Variants in ZNF236 observed in about 807,000 individuals in gnomAD.
The protein encoded by ZNF236 is regulated by glucose.
Under a neutral mutation model 191.2 loss-of-function variants are expected in ZNF236, and 50 were observed. That is an observed-to-expected ratio of 0.26 (90% confidence interval 0.21 to 0.33). ZNF236 has a LOEUF of 0.33. Among genes scored for constraint, ZNF236 ranks in the 10% least tolerant of loss-of-function variants. ZNF236 has a pLI of 1.00. For missense variants in ZNF236, 1,754 were observed against 2,374.5 expected, an observed-to-expected ratio of 0.74 and a Z score of 5.43; for synonymous variants, 907 against 928.8, an observed-to-expected ratio of 0.98 and a Z score of 0.43.
chr18:76,898,046 G>A (rs887479318), intron 10 of ZNF236: 5 of 152,162 alleles, frequency 3.3e-5, no homozygotes, highest in South Asian at 2.1e-4. Context: ...ACTTCTGTCC[G>A]GATCAGATTT....
chr18:76,854,592 A>T (rs1156988710), intron 3 of ZNF236, among the ~76,000 whole-genome samples: 6 of 151,884 alleles, frequency 4.0e-5, no homozygotes, highest in Non-Finnish European at 8.8e-5. Context: ...TACAAAAAAA[A>T]AAAAGTCTTT....
chr18:76,829,281 C>T (rs1324063425), intron 1 of ZNF236, among the ~76,000 whole-genome samples: 1 of 151,256 alleles, frequency 6.6e-6, no homozygotes, highest in Non-Finnish European at 1.5e-5. Flanking sequence ...AGGCCTGGAG[C>T]GTGGCTCTCA....
chr18:76,972,646 A>G lies in ZNF236; in HGVS notation c.*4307A>G, dbSNP rs1359918937. ...TACAGCATGAAGACGTATTCTATCA[A>G]TATTTGTATCATAATTGACAAATTC... On this transcript the variant is annotated 3_prime_UTR_variant, in exon 31 of 31. Transcript: ENST00000320610. 6.6e-6 allele frequency among the ~76,000 whole-genome samples: 1 copy of G among 152,210 alleles called. No individual in the cohort carries two copies. The highest frequency in any genetic ancestry group is 1.5e-5 in the Non-Finnish European group (1 of 68,040).
chr18:76,962,649 G>T (rs990881520), intron 30 of ZNF236, among the ~76,000 whole-genome samples: 2 of 152,182 alleles, frequency 1.3e-5, no homozygotes, highest in Non-Finnish European at 2.9e-5. Context: ...GCTTTTGGCA[G>T]TATGGCCATT....
Position 76,969,215 on chromosome 18 carries a change from A to G in ZNF236, c.*876A>G, listed in dbSNP as rs1968859588. ...GTAGCTTAAGGCCACGAATCCGTAA[A>G]AACCCCATGACTTTCTCTTCGTGCA... On this transcript the variant is annotated 3_prime_UTR_variant, in exon 31 of 31. Transcript: ENST00000320610. The G allele has an allele frequency of 6.5e-6, 1 of 153,364 alleles. No individual in the cohort carries two copies. The highest frequency in any genetic ancestry group is 1.5e-5 in the Non-Finnish European group (1 of 68,726). The allele number at this position is 153,364 out of a possible 1,614,324, so 9.5% of individuals were successfully genotyped here.
At chr18:76,934,184 A>G (rs1290278035) in intron 25 of ZNF236, among the ~76,000 whole-genome samples, 2 of 152,210 alleles carry the variant, frequency 1.3e-5, no homozygotes. Flanking sequence ...GAAGTGTATC[A>G]CCACTTAGGG....
chr18:76,935,192 A>G (rs1967959673), intron 25 of ZNF236, among the ~76,000 whole-genome samples: 1 of 152,208 alleles, frequency 6.6e-6, no homozygotes, highest in South Asian at 2.1e-4. Context: ...GCTTAAGAAA[A>G]TTTCAGCTTT....
chr18:76,970,841 C>CT lies in ZNF236; in HGVS notation c.*2503dup, dbSNP rs1968898208. The CT allele has an allele frequency of 6.6e-6, 1 of 152,250 alleles. No homozygotes were observed. Among genetic ancestry groups the CT allele is most frequent in the Admixed American group, 6.5e-5 (1 of 15,290 alleles). The allele number at this position is 152,250 out of a possible 1,614,324, so 9.4% of individuals were successfully genotyped here. A position where few individuals can be genotyped will look rare whatever the true frequency, so the allele number is the denominator to read the frequency against. On this transcript the variant is annotated 3_prime_UTR_variant, in exon 31 of 31. Coordinates refer to ENST00000320610, the MANE Select transcript of ZNF236 (RefSeq NM_001306089.2). ...ACTTTAGTGGTATTTTCCTTTACCT[C>CT]TGTGAAGTTCAGAGGCGTTTACCCC...
At chr18:76,843,422 C>G (rs1424038818) in intron 1 of ZNF236, among the ~76,000 whole-genome samples, 1 of 152,138 alleles carries the variant, frequency 6.6e-6, no homozygotes, top group Non-Finnish European at 1.5e-5. Context: ...GTGTTAAAAC[C>G]TGAACGCTGA....
chr18:76,929,482 T>C (rs1967793127), intron 25 of ZNF236, among the ~76,000 whole-genome samples: 2 of 152,346 alleles, frequency 1.3e-5, no homozygotes, highest in South Asian at 4.1e-4. Flanking sequence ...CAAAACTACA[T>C]AGTGCATGGT....
intron 11 of ZNF236, among the ~76,000 whole-genome samples, chr18:76,904,090 A>G (rs1379853655): frequency 6.6e-6 from 1 of 151,506 alleles, no homozygotes; most frequent in Non-Finnish European, 1.5e-5. Flanking sequence ...TTGTGACTAG[A>G]TATTTCTCAT....
intron 1 of ZNF236, among the ~76,000 whole-genome samples, chr18:76,836,603 A>C (rs1451594088): frequency 6.8e-6 from 1 of 147,658 alleles, no homozygotes; most frequent in African/African-American, 2.5e-5. Context: ...TTTGAGACAG[A>C]GTTTTGCTCT....
chr18:76,906,965 A>G (rs1977759651), intron 13 of ZNF236, among the ~76,000 whole-genome samples: 1 of 152,228 alleles, frequency 6.6e-6, no homozygotes, highest in Non-Finnish European at 1.5e-5. Context: ...ATTTATTGGA[A>G]AAAACAAAGA....
In ZNF236 at chr18:76,927,476, C is replaced by T. The variant is rs1022007995; in HGVS notation, c.4373C>T (p.Pro1458Leu). 8 of 1,614,026 alleles carry T rather than the reference C, an allele frequency of 5.0e-6. No individual in the cohort carries two copies. The highest frequency in any genetic ancestry group is 2.2e-5 in the East Asian group (1 of 44,890). The change falls in exon 24 of 31, where the codon CCG becomes CTG. Residue 1458 changes from proline (P) to leucine (L), a missense_variant. Pro to Leu is a moderately conservative substitution (Grantham distance 98, BLOSUM62 -3). Coordinates refer to ENST00000320610, the MANE Select transcript of ZNF236 (RefSeq NM_001306089.2). This position sits in a 1 kb window ranked among gnomAD's most constrained non-coding sequence, Gnocchi z 5.4. ...TVTSANLTIG[P>L]LSEQDSVLTT... ...ACCTCTGCGAACCTGACCATAGGCC[C>T]GCTGTCTGAGCAGGATTCAGTGCTG... is the stretch of plus-strand genomic sequence containing the variant.
intron 3 of ZNF236, among the ~76,000 whole-genome samples, chr18:76,859,441 TAGTA>T (rs1355566537): frequency 2.0e-5 from 3 of 152,158 alleles, no homozygotes; most frequent in African/African-American, 7.2e-5. Flanking sequence ...CTGTATGATC[TAGTA>T]AGTATTTCTG....
intron 19 of ZNF236, among the ~76,000 whole-genome samples, chr18:76,917,357 C>A (rs1053574005): frequency 6.6e-6 from 1 of 152,180 alleles, no homozygotes; most frequent in Admixed American, 6.5e-5. Flanking sequence ...ATCTCTAAGC[C>A]GCTTTACATA....
intron 1 of ZNF236, chr18:76,849,131 CTT>C (rs1975784082): frequency 6.4e-6 from 1 of 156,714 alleles, no homozygotes; most frequent in Non-Finnish European, 1.4e-5. Context: ...TTGATGAAAT[CTT>C]AAAGTGATTT....
At chr18:76,828,198 G>A (rs1232615158) in intron 1 of ZNF236, among the ~76,000 whole-genome samples, 2 of 150,010 alleles carry the variant, frequency 1.3e-5, no homozygotes, top group African/African-American at 4.9e-5. Flanking sequence ...ACAAGGTCTC[G>A]TTCTCTCACC....
At chr18:76,833,293 AG>A (rs1226323723) in intron 1 of ZNF236, among the ~76,000 whole-genome samples, 3 of 152,144 alleles carry the variant, frequency 2.0e-5, no homozygotes, top group Non-Finnish European at 2.9e-5. Flanking sequence ...CAACTGCAGG[AG>A]GAAAATTATA....
Sources: gnomAD v4.1 joint callset for allele counts (sites outside exome capture counted in the v4.1 genomes callset) on GRCh38, gnomAD v4.1.1 for gene constraint, Gnocchi (gnomAD v3.1) non-coding constraint, MANE v1.5 for transcripts, NCBI Gene and HGNC (gene_info 2026-07-23, HGNC 2026-07-21) for gene names.